The following BCKDHB variants were observed in gnomAD, a reference collection of about 807,000 sequenced individuals.
BCKDHB encodes 2-oxoisovalerate dehydrogenase subunit beta, mitochondrial.
BCKDHB carries 41 observed loss-of-function variants against 48.5 expected under a neutral mutation model. The ratio of observed to expected loss-of-function variants is 0.85; its 90% CI spans 0.66 to 1.10. The LOEUF (loss-of-function observed/expected upper bound fraction) is 1.10, where lower values mean the gene tolerates loss of function less well. Ranked by LOEUF, BCKDHB falls within the 50% of genes least tolerant of loss-of-function variation. The probability of loss-of-function intolerance (pLI) is 0.00; values close to 1 mark genes in which losing one functional copy is unlikely to be tolerated. For synonymous variants in BCKDHB, 201 were observed against 174.8 expected, an observed-to-expected ratio of 1.15 and a Z score of -1.18; for missense variants, 496 against 494.2, an observed-to-expected ratio of 1.00 and a Z score of -0.03.
At chr6:80,374,612 A>G in the BCKDHB span, 17 of 573,420 alleles carry the variant, frequency 3.0e-5, no homozygotes, top group Middle Eastern at 5.2e-4. Flanking sequence ...GAGCCATTCT[A>G]TATCTTTTAA....
chr6:80,369,877 T>A, the BCKDHB span, among the ~76,000 whole-genome samples: 1 of 152,134 alleles, frequency 6.6e-6, no homozygotes, highest in Admixed American at 6.6e-5. Context: ...AATTTAAAAA[T>A]AATATTTTAA....
intron 3 of BCKDHB, among the ~76,000 whole-genome samples, chr6:80,163,507 C>A (rs954165201): frequency 6.6e-6 from 1 of 152,066 alleles, no homozygotes; most frequent in African/African-American, 2.4e-5. Context: ...GCTTGTTTTC[C>A]TTCTCAACTT....
the BCKDHB span, among the ~76,000 whole-genome samples, chr6:80,415,727 C>A: frequency 1.6e-4 from 24 of 151,764 alleles, no homozygotes; most frequent in Non-Finnish European, 2.7e-4. Context: ...TTGGCCTGAA[C>A]GTTTCTTTTT....
chr6:80,344,156 C>T lies in BCKDHB; in HGVS notation c.*352C>T, dbSNP rs1770069022. ...AGTAGTTGGGATTACAGGCGCCCAC[C>T]ACCATGCCCAGCTAATTTTTGTGTT... On this transcript the variant is annotated 3_prime_UTR_variant, in exon 10 of 10. Transcript: ENST00000320393. 3.4e-6 allele frequency: 1 copy of T among 296,462 alleles called. No homozygotes were observed. Among genetic ancestry groups the T allele is most frequent in the Admixed American group, 4.7e-5 (1 of 21,466 alleles). The allele number at this position is 296,462 out of a possible 1,614,324, so 18.4% of individuals were successfully genotyped here.
chr6:80,326,524 A>G (rs1385499988), intron 9 of BCKDHB, among the ~76,000 whole-genome samples: 1 of 152,190 alleles, frequency 6.6e-6, no homozygotes, highest in Non-Finnish European at 1.5e-5. Context: ...AAATTAACAC[A>G]TCCAATTTTT....
At chr6:80,254,757 G>C (rs1231853588) in intron 8 of BCKDHB, among the ~76,000 whole-genome samples, 1 of 152,056 alleles carries the variant, frequency 6.6e-6, no homozygotes, top group Non-Finnish European at 1.5e-5. Context: ...AGAAGGCTAA[G>C]GAATGCCAGA....
At chr6:80,360,450 CTGTTA>C in the BCKDHB span, among the ~76,000 whole-genome samples, 1 of 152,198 alleles carries the variant, frequency 6.6e-6, no homozygotes, top group African/African-American at 2.4e-5. Flanking sequence ...TGTGGTACTC[CTGTTA>C]TAAGTATAAT....
chr6:80,388,745 G>T, the BCKDHB span, among the ~76,000 whole-genome samples: 5 of 152,152 alleles, frequency 3.3e-5, no homozygotes, highest in African/African-American at 9.6e-5. Flanking sequence ...CAGAGGAATA[G>T]AATACTAGGT....
intron 6 of BCKDHB, among the ~76,000 whole-genome samples, chr6:80,193,922 T>A (rs1353877404): frequency 3.3e-5 from 5 of 152,160 alleles, no homozygotes; most frequent in African/African-American, 1.2e-4. Context: ...GTTAAATTTA[T>A]CCAGGAAGAT....
At chr6:80,248,099 A>T (rs1343815950) in intron 8 of BCKDHB, among the ~76,000 whole-genome samples, 2 of 151,902 alleles carry the variant, frequency 1.3e-5, no homozygotes, top group Non-Finnish European at 2.9e-5. Flanking sequence ...CTCTTACTGT[A>T]CTCTTTTTCT....
At chr6:80,461,051 G>A in the BCKDHB span, among the ~76,000 whole-genome samples, 2 of 152,088 alleles carry the variant, frequency 1.3e-5, no homozygotes, top group African/African-American at 4.8e-5. Flanking sequence ...TAGTCTCTTG[G>A]TGACGTAATC....
intron 9 of BCKDHB, among the ~76,000 whole-genome samples, chr6:80,299,866 T>C (rs1388889158): frequency 6.6e-6 from 1 of 152,170 alleles, no homozygotes; most frequent in African/African-American, 2.4e-5. Flanking sequence ...CAACCTTGAA[T>C]GTAAATGGGC....
the BCKDHB span, among the ~76,000 whole-genome samples, chr6:80,382,127 A>G: frequency 6.6e-6 from 1 of 152,160 alleles, no homozygotes; most frequent in African/African-American, 2.4e-5. Context: ...TGATGCATCC[A>G]TCTTTGACAA....
rs1200640656 is a variant in BCKDHB at position 80,271,512 on chromosome 6, G to C, written c.952-1623G>C. ...TGCCCTGGTTGCTTGTTTGCTTTCA[G>C]GGATTATTCTAAAGGTTGTCATTTG... On this transcript the variant is annotated intron_variant, in intron 8 of 9. Transcript: ENST00000320393. Among the ~76,000 whole-genome samples the C allele has an allele frequency of 3.9e-5, 6 of 152,100 alleles. No homozygotes were observed. In the South Asian group the frequency reaches 8.3e-4, roughly 21 times the overall value.
intron 9 of BCKDHB, among the ~76,000 whole-genome samples, chr6:80,320,925 A>C (rs1768683967): frequency 6.6e-6 from 1 of 152,310 alleles, no homozygotes; most frequent in South Asian, 2.1e-4. Flanking sequence ...AACCTTCAAT[A>C]ATCTCATAAA....
At chr6:80,279,274 C>T (rs1162595128) in intron 9 of BCKDHB, among the ~76,000 whole-genome samples, 1 of 152,068 alleles carries the variant, frequency 6.6e-6, no homozygotes, top group African/African-American at 2.4e-5. Context: ...CTGCCTCAGC[C>T]TCCCAAGTAG....
At chr6:80,381,132 T>C in the BCKDHB span, among the ~76,000 whole-genome samples, 1 of 152,014 alleles carries the variant, frequency 6.6e-6, no homozygotes, top group Non-Finnish European at 1.5e-5. Flanking sequence ...TAATCTCCTT[T>C]TACCTTATTT....
chr6:80,286,388 T>C (rs1051900578), intron 9 of BCKDHB, among the ~76,000 whole-genome samples: 2 of 152,226 alleles, frequency 1.3e-5, no homozygotes, highest in African/African-American at 4.8e-5. Context: ...CTTTTCTTAC[T>C]ACTTGCCTTG....
intron 9 of BCKDHB, among the ~76,000 whole-genome samples, chr6:80,332,706 T>TAAAAAA (rs201659861): frequency 7.2e-6 from 1 of 139,450 alleles, no homozygotes; most frequent in Non-Finnish European, 1.5e-5. Flanking sequence ...ACCCTTATAG[T>TAAAAAA]AAAAAAAAAA....
Sources: gnomAD v4.1 joint callset for allele counts (sites outside exome capture counted in the v4.1 genomes callset) on GRCh38, gnomAD v4.1.1 for gene constraint, MANE v1.5 for transcripts, NCBI Gene and HGNC (gene_info 2026-07-23, HGNC 2026-07-21) for gene names.